LNX2: variants seen among roughly 807,000 people sequenced by gnomAD.
The protein encoded by LNX2 is ligand of numb-protein X 2.
Under a neutral mutation model 66.2 loss-of-function variants are expected in LNX2, and 35 were observed. The observed-to-expected ratio is 0.53, with a 90% CI of 0.40 to 0.70. The LOEUF (loss-of-function observed/expected upper bound fraction) is 0.70, where lower values mean the gene tolerates loss of function less well. Ranked by LOEUF, LNX2 falls within the 30% of genes least tolerant of loss-of-function variation. The probability of loss-of-function intolerance (pLI) is 0.00; values close to 1 mark genes in which losing one functional copy is unlikely to be tolerated. For synonymous variants in LNX2, 337 were observed against 315.6 expected (o/e 1.07, Z -0.72); for missense variants, 791 against 850.8 (o/e 0.93, Z 0.87).
At chr13:27,558,527 C>T (rs901813000) in intron 6 of LNX2, among the ~76,000 whole-genome samples, 5 of 151,940 alleles carry the variant, frequency 3.3e-5, no homozygotes, top group African/African-American at 1.2e-4. Flanking sequence ...GTTATATACA[C>T]CCCTATCTCA....
chr13:27,588,529 T>A (rs937671901), intron 1 of LNX2, among the ~76,000 whole-genome samples: 1 of 152,122 alleles, frequency 6.6e-6, no homozygotes, highest in Non-Finnish European at 1.5e-5. Context: ...GGGCAAATAA[T>A]AGGGCAACAC....
intron 1 of LNX2, among the ~76,000 whole-genome samples, chr13:27,593,839 G>C (rs1374373226): frequency 6.7e-6 from 1 of 149,830 alleles, no homozygotes; most frequent in Non-Finnish European, 1.5e-5. Flanking sequence ...CAAGCGATCT[G>C]CCTGCCTCTG....
intron 1 of LNX2, among the ~76,000 whole-genome samples, chr13:27,613,500 G>A (rs1442426252): frequency 6.6e-6 from 1 of 152,194 alleles, no homozygotes; most frequent in Non-Finnish European, 1.5e-5. Flanking sequence ...GGCCGGGCGT[G>A]GTGGCTCATG....
In LNX2 at chr13:27,551,716, T is replaced by C. The variant is rs569675188; in HGVS notation, c.1779-1225A>G. Among the ~76,000 whole-genome samples, 17 of 152,350 alleles carry C rather than the reference T, an allele frequency of 1.1e-4. No individual in the cohort carries two copies. The South Asian group carries it at 2.3e-3, about 20-fold the overall frequency. On this transcript the variant is annotated intron_variant, in intron 8 of 9. Coordinates refer to ENST00000316334, the MANE Select transcript of LNX2 (RefSeq NM_153371.4). ...TTTACCATGCCAGAACTTCTCATCT[T>C]ATCTAGTTTCCTAGCTCACTGATAA... is the stretch of plus-strand genomic sequence containing the variant.
Position 27,550,085 on chromosome 13 carries a change from C to T in LNX2, c.1937+248G>A, listed in dbSNP as rs779593178. On this transcript the variant is annotated intron_variant, in intron 9 of 9. Transcript: ENST00000316334. ...TAGATCGGGATTGGCAAATTTTTTC[C>T]GTAAGGGGTCAGATGGTAAATATTT... is the stretch of plus-strand genomic sequence containing the variant. Among the ~76,000 whole-genome samples, 33 of 152,238 alleles carry T rather than the reference C, an allele frequency of 2.2e-4. No individual in the cohort carries two copies. The Middle Eastern group carries it at 0.01, about 47-fold the overall frequency.
At chr13:27,603,460 A>G (rs1472294505) in intron 1 of LNX2, among the ~76,000 whole-genome samples, 1 of 152,206 alleles carries the variant, frequency 6.6e-6, no homozygotes, top group Admixed American at 6.5e-5. Context: ...TGTCCCAGAA[A>G]CAAGCAAATC....
intron 8 of LNX2, 134 bp downstream of exon 8, chr13:27,553,074 T>C (rs954155685): frequency 2.9e-6 from 2 of 682,394 alleles, no homozygotes; most frequent in Non-Finnish European, 5.0e-6. Flanking sequence ...TTTTGTAATT[T>C]GATTTGATGT....
At chr13:27,564,078 C>T (rs935494954) in intron 4 of LNX2, among the ~76,000 whole-genome samples, 1 of 152,230 alleles carries the variant, frequency 6.6e-6, no homozygotes, top group African/African-American at 2.4e-5. Flanking sequence ...TACAAAGCTA[C>T]CTACCTGTAG....
At chr13:27,620,845 C>T (rs971751974), upstream of LNX2, 1 of 153,040 alleles carries the variant, frequency 6.5e-6, no homozygotes, top group East Asian at 1.9e-4. Flanking sequence ...TGCGCGCACC[C>T]CCGGCCGCCG....
At chr13:27,618,298 T>C (rs1402591741) in intron 1 of LNX2, among the ~76,000 whole-genome samples, 1 of 152,228 alleles carries the variant, frequency 6.6e-6, no homozygotes, top group African/African-American at 2.4e-5. Flanking sequence ...GCAATCACTA[T>C]TCTAAGTAAT....
At chr13:27,553,728 C>A (rs1025854690) in intron 7 of LNX2, among the ~76,000 whole-genome samples, 1 of 152,146 alleles carries the variant, frequency 6.6e-6, no homozygotes, top group African/African-American at 2.4e-5. Flanking sequence ...CTGAGTTTAG[C>A]TGTGTACAGG....
chr13:27,612,172 G>A (rs918370924), intron 1 of LNX2, among the ~76,000 whole-genome samples: 4 of 152,230 alleles, frequency 2.6e-5, no homozygotes, highest in African/African-American at 7.2e-5. Context: ...AAGAGGTGGA[G>A]TTGGATAAAA....
At chr13:27,567,867 A>G (rs1224563152) in intron 3 of LNX2, 28 bp from the exon 4 acceptor site, 1 of 1,583,540 alleles carries the variant, frequency 6.3e-7, no homozygotes, top group Non-Finnish European at 8.7e-7. Context: ...AGACAGACAA[A>G]AACAGATGTT....
chr13:27,620,118 G>A lies in LNX2; in HGVS notation c.-101+257C>T, dbSNP rs540766979. Among the ~76,000 whole-genome samples the A allele has an allele frequency of 9.9e-4, 151 of 151,926 alleles. 3 individuals are homozygous for A. The highest frequency in any genetic ancestry group is 9.1e-3 in the Admixed American group (139 of 15,292). ...CAGCCGGAGGCCGCCCGCCTCCCGG[G>A]CGCCTGCAGGCGGCGGGCACCGGGC... On this transcript the variant is annotated intron_variant, in intron 1 of 9. Coordinates refer to ENST00000316334, the MANE Select transcript of LNX2 (RefSeq NM_153371.4).
chr13:27,581,624 C>G lies in LNX2; in HGVS notation c.80G>C (p.Gly27Ala). 2 of 1,614,054 alleles carry G rather than the reference C, an allele frequency of 1.2e-6. No individual in the cohort carries two copies. The highest frequency in any genetic ancestry group is 1.1e-5 in the South Asian group (1 of 91,066). Residue 27 changes from glycine to alanine, a missense_variant, in exon 2 of 10, where the codon GGC becomes GCC. Transcript: ENST00000316334. Reference protein sequence around the residue: ...SSLNPLCFECGQQHWTRENHL... With the variant: ...SSLNPLCFECAQQHWTRENHL... The stretch of plus-strand genomic sequence containing the variant: ...GTTTTCTCTTGTCCAGTGCTGTTGG[C>G]CACATTCAAAACACAGGGGGTTTAG...
At chr13:27,560,790 C>A (rs1198870778) in intron 5 of LNX2, among the ~76,000 whole-genome samples, 1 of 151,934 alleles carries the variant, frequency 6.6e-6, no homozygotes, top group Non-Finnish European at 1.5e-5. Flanking sequence ...GACCACAATG[C>A]CCAATTTTAC....
chr13:27,587,263 C>G (rs1279793953), intron 1 of LNX2, among the ~76,000 whole-genome samples: 1 of 152,118 alleles, frequency 6.6e-6, no homozygotes, highest in African/African-American at 2.4e-5. Context: ...AGCTCAAATT[C>G]TGCCTCCTCC....
chr13:27,588,271 A>T (rs2138418826), intron 1 of LNX2, among the ~76,000 whole-genome samples: 1 of 152,326 alleles, frequency 6.6e-6, no homozygotes, highest in Admixed American at 6.5e-5. Flanking sequence ...AACAACTCAG[A>T]TGTACTTCCA....
chr13:27,571,846 C>G (rs7330269), intron 2 of LNX2, among the ~76,000 whole-genome samples: 1 of 151,974 alleles, frequency 6.6e-6, no homozygotes, highest in African/African-American at 2.4e-5. Flanking sequence ...AAAAACTCAA[C>G]ATTTGTGGAG....
Sources: gnomAD v4.1 joint callset for allele counts (sites outside exome capture counted in the v4.1 genomes callset) on GRCh38, gnomAD v4.1.1 for gene constraint, MANE v1.5 for transcripts, NCBI Gene and HGNC (gene_info 2026-07-23, HGNC 2026-07-21) for gene names.